WWOX: variants seen among roughly 807,000 people sequenced by gnomAD.
WWOX encodes the protein WW domain-containing oxidoreductase.
In WWOX, 69 loss-of-function variants were observed where a neutral mutation model predicts 46.2. The ratio of observed to expected loss-of-function variants is 1.49; its 90% CI spans 1.23 to 1.82. WWOX has a LOEUF of 1.82. WWOX is among the 40% of genes most tolerant of loss of function. The pLI is 0.00. For missense variants in WWOX, 919 were observed against 542.6 expected (o/e 1.69, Z -6.89); for synonymous variants, 359 against 202.6 (o/e 1.77, Z -6.56).
At chr16:78,128,240 C>T (rs1264614555) in intron 4 of WWOX, among the ~76,000 whole-genome samples, 1 of 151,804 alleles carries the variant, frequency 6.6e-6, no homozygotes, top group Non-Finnish European at 1.5e-5. Context: ...CAAATATCTT[C>T]TTCAGGGTTT....
intron 8 of WWOX, among the ~76,000 whole-genome samples, chr16:78,969,553 G>A (rs568350175): frequency 1.6e-4 from 25 of 152,200 alleles, no homozygotes; most frequent in Non-Finnish European, 3.1e-4. Context: ...TGACAGGTGT[G>A]AGCCACCACA....
rs147403165 is a variant in WWOX at position 78,577,210 on chromosome 16, A to G, written c.1056+144458A>G. Among the ~76,000 whole-genome samples the G allele has an allele frequency of 3.3e-3, 501 of 152,358 alleles. 3 individuals are homozygous for G. Among genetic ancestry groups the G allele is most frequent in the African/African-American group, 0.012 (485 of 41,588 alleles). On this transcript the variant is annotated intron_variant, in intron 8 of 8. Coordinates refer to ENST00000566780, the MANE Select transcript of WWOX (RefSeq NM_016373.4). ...CAGTTACATAACCAAGCCCAGCTTC[A>G]GAAGGGAAATTGTATGCCTTACAAG...
chr16:78,934,562 C>A (rs1278708742), intron 8 of WWOX, among the ~76,000 whole-genome samples: 1 of 140,948 alleles, frequency 7.1e-6, no homozygotes. Flanking sequence ...AAGAAACTTA[C>A]AGAGAACATG....
intron 5 of WWOX, chr16:78,168,142 G>A (rs2035036569): frequency 6.6e-6 from 1 of 152,176 alleles, no homozygotes; most frequent in Non-Finnish European, 1.5e-5. Flanking sequence ...TGGCTCAGCG[G>A]AGGCTGTCAT....
chr16:78,997,756 G>T (rs1328419563), intron 8 of WWOX, among the ~76,000 whole-genome samples: 1 of 152,066 alleles, frequency 6.6e-6, no homozygotes, highest in Non-Finnish European at 1.5e-5. Context: ...CTTTAGAGAG[G>T]ATAGCAATTG....
intron 5 of WWOX, among the ~76,000 whole-genome samples, chr16:78,286,182 C>CT (rs2079763135): frequency 6.6e-6 from 1 of 152,172 alleles, no homozygotes; most frequent in African/African-American, 2.4e-5. Flanking sequence ...GCAATAAATA[C>CT]TTTTTTCACA....
At chr16:78,643,362 G>A (rs889669945) in intron 8 of WWOX, among the ~76,000 whole-genome samples, 3 of 152,172 alleles carry the variant, frequency 2.0e-5, no homozygotes, top group Non-Finnish European at 4.4e-5. Context: ...GGCTTCTGGA[G>A]GATCTGTAAC....
intron 4 of WWOX, among the ~76,000 whole-genome samples, chr16:78,145,185 A>G (rs1279798206): frequency 6.6e-6 from 1 of 152,336 alleles, no homozygotes; most frequent in Non-Finnish European, 1.5e-5. Context: ...CTTGGCTTGT[A>G]GATGAGTGTA....
At position 78,665,239 on chromosome 16, in the gene WWOX, C is replaced by T. The variant is rs529255483; in HGVS notation, c.1056+232487C>T. 5.3e-5 allele frequency among the ~76,000 whole-genome samples: 8 copies of T among 152,216 alleles called. No homozygotes were observed. The South Asian group carries it at 1.5e-3, about 28-fold the overall frequency. On this transcript the variant is annotated intron_variant, in intron 8 of 8. Coordinates refer to ENST00000566780, the MANE Select transcript of WWOX (RefSeq NM_016373.4). ...GCTTCTGGAGTCACGGGCTGAATTC[C>T]GGCACTGCCACATCTTGCCACGCAC... is the stretch of plus-strand genomic sequence containing the variant.
intron 8 of WWOX, among the ~76,000 whole-genome samples, chr16:78,829,123 GA>G (rs1404817366): frequency 2.0e-5 from 3 of 147,840 alleles, no homozygotes; most frequent in African/African-American, 8.0e-5. Flanking sequence ...TGGATGGATG[GA>G]TGGATGGAGA....
At chr16:78,473,233 G>T (rs150369855) in intron 8 of WWOX, among the ~76,000 whole-genome samples, 4 of 152,090 alleles carry the variant, frequency 2.6e-5, no homozygotes, top group Non-Finnish European at 5.9e-5. Context: ...ACGTTCAAGC[G>T]ATTGTCCTGC....
At chr16:78,365,733 A>G (rs534367986) in intron 5 of WWOX, among the ~76,000 whole-genome samples, 4 of 152,046 alleles carry the variant, frequency 2.6e-5, no homozygotes, top group African/African-American at 9.7e-5. Flanking sequence ...CAATCTCCTT[A>G]TTTCTTGTTT....
At chr16:78,481,952 C>G (rs2084503602) in intron 8 of WWOX, among the ~76,000 whole-genome samples, 1 of 152,058 alleles carries the variant, frequency 6.6e-6, no homozygotes, top group African/African-American at 2.4e-5. Flanking sequence ...TTCTCACATC[C>G]TTGGTTAAGG....
intron 5 of WWOX, among the ~76,000 whole-genome samples, chr16:78,321,393 C>CAT (rs2080477387): frequency 1.4e-5 from 1 of 73,036 alleles, no homozygotes; most frequent in Non-Finnish European, 2.3e-5. Flanking sequence ...TATATATATA[C>CAT]GTATATATAC....
chr16:78,427,318 C>G (rs972008513), intron 7 of WWOX, among the ~76,000 whole-genome samples: 2 of 152,172 alleles, frequency 1.3e-5, no homozygotes, highest in African/African-American at 4.8e-5. Flanking sequence ...GTTTTAGTTA[C>G]TTATCTGGAA....
chr16:78,774,162 G>A (rs1181630031), intron 8 of WWOX, among the ~76,000 whole-genome samples: 2 of 152,114 alleles, frequency 1.3e-5, no homozygotes, highest in African/African-American at 4.8e-5. Flanking sequence ...CAGTACTTTG[G>A]GAGGCCAAGG....
chr16:78,369,318 C>T (rs1175155763), intron 5 of WWOX, among the ~76,000 whole-genome samples: 1 of 151,826 alleles, frequency 6.6e-6, no homozygotes, highest in Admixed American at 6.6e-5. Context: ...TCAGGGGTAT[C>T]TTTTAAGTGT....
At chr16:78,230,168 CCG>C (rs1306663948) in intron 5 of WWOX, among the ~76,000 whole-genome samples, 5 of 4,846 alleles carry the variant, frequency 1.0e-3, no homozygotes, top group African/African-American at 0.015. Flanking sequence ...GCGTGAGCTA[CCG>C]TGCCCGTGCC....
At chr16:78,424,792 G>A (rs1049479059) in intron 6 of WWOX, 78 bp from the exon 7 acceptor site, 26 of 1,520,412 alleles carry the variant, frequency 1.7e-5, no homozygotes, top group Non-Finnish European at 2.0e-5. Flanking sequence ...TCCACATCAC[G>A]TGGATTCCCG....
Sources: gnomAD v4.1 joint callset for allele counts (sites outside exome capture counted in the v4.1 genomes callset) on GRCh38, gnomAD v4.1.1 for gene constraint, MANE v1.5 for transcripts, NCBI Gene and HGNC (gene_info 2026-07-23, HGNC 2026-07-21) for gene names.